Variants in HGF observed in about 807,000 individuals in gnomAD.
HGF encodes fibroblast-derived tumor cytotoxic factor.
Under a neutral mutation model 111.6 loss-of-function variants are expected in HGF, and 39 were observed. The observed-to-expected ratio is 0.35, with a 90% CI of 0.27 to 0.46. The LOEUF (loss-of-function observed/expected upper bound fraction) is 0.46, where lower values mean the gene tolerates loss of function less well. Ranked by LOEUF, HGF falls within the 20% of genes least tolerant of loss-of-function variation. HGF has a pLI of 1.00. For synonymous variants in HGF, 285 were observed against 294.8 expected (o/e 0.97, Z 0.34); for missense variants, 735 against 910.5 (o/e 0.81, Z 2.48).
chr7:81,758,434 AAAAAAT>A (rs1007591566), intron 3 of HGF, among the ~76,000 whole-genome samples: 3 of 151,990 alleles, frequency 2.0e-5, no homozygotes, highest in Non-Finnish European at 4.4e-5. Flanking sequence ...AGATGCTCCA[AAAAAAT>A]AAAAATAAAA....
At chr7:81,745,240 A>T (rs1288121241) in intron 5 of HGF, 120 bp from the exon 6 acceptor site, 15 of 1,020,780 alleles carry the variant, frequency 1.5e-5, no homozygotes, top group Non-Finnish European at 2.2e-5. Context: ...CCTACACATC[A>T]TTCTAACTTT....
chr7:81,754,430 C>CA (rs1379247742), intron 4 of HGF, among the ~76,000 whole-genome samples: 4 of 150,138 alleles, frequency 2.7e-5, no homozygotes, highest in Admixed American at 6.6e-5. Flanking sequence ...TTTGTAAAGC[C>CA]AAAAAAAAGC....
intron 1 of HGF, among the ~76,000 whole-genome samples, chr7:81,769,632 G>C (rs1789531718): frequency 1.3e-5 from 2 of 152,182 alleles, no homozygotes; most frequent in Admixed American, 6.5e-5. Context: ...ATTAGGCTAA[G>C]TGGGACGGGG....
intron 13 of HGF, among the ~76,000 whole-genome samples, chr7:81,707,608 G>T (rs774048656): frequency 6.6e-6 from 1 of 152,018 alleles, no homozygotes; most frequent in Non-Finnish European, 1.5e-5. Context: ...CTTTTGTGTA[G>T]TCTAAAGTTA....
chr7:81,747,262 C>G (rs1312840224), intron 5 of HGF, among the ~76,000 whole-genome samples: 1 of 152,220 alleles, frequency 6.6e-6, no homozygotes, highest in African/African-American at 2.4e-5. Context: ...TGGCGTGAAC[C>G]CGGGAGATGG....
chr7:81,722,976 A>G (rs1158238885), intron 9 of HGF, among the ~76,000 whole-genome samples: 3 of 151,956 alleles, frequency 2.0e-5, no homozygotes, highest in African/African-American at 7.3e-5. Flanking sequence ...TAATTTTTAT[A>G]TGAATGAAAA....
chr7:81,705,555 A>T lies in HGF; in HGVS notation c.1865-20T>A, dbSNP rs2115762988. 1.2e-6 allele frequency: 2 copies of T among 1,611,034 alleles called. No individual in the cohort carries two copies. The highest frequency in any genetic ancestry group is 1.3e-5 in the African/African-American group (1 of 74,914). ...TGATCACTAGATTGATGCAAAAAAC[A>T]TACAATAAGGTGAGAAAAGTAAGAA... is the stretch of plus-strand genomic sequence containing the variant. On this transcript the variant is annotated intron_variant, in intron 16 of 17. Coordinates refer to ENST00000222390, the MANE Select transcript of HGF (RefSeq NM_000601.6).
rs754071169 is a variant in HGF, at chr7:81,720,822, A to G, written c.1194T>C (p.Asn398=). 6.2e-7 allele frequency: 1 copy of G among 1,609,578 alleles called. No homozygotes were observed. Among genetic ancestry groups the G allele is most frequent in the East Asian group, 2.2e-5 (1 of 44,814 alleles). The change falls in exon 10 of 18, where the codon AAT becomes AAC. Residue 398 remains asparagine, a synonymous_variant. Coordinates refer to ENST00000222390, the MANE Select transcript of HGF (RefSeq NM_000601.6). Reference sequence around the variant, plus strand: ...TTGTTTGGGATAAGTTGCCCATATAATTTTTGCCATTCCCACGATAACAAT... The same window carrying G: ...TTGTTTGGGATAAGTTGCCCATATAGTTTTTGCCATTCCCACGATAACAAT... ...GQDCYRGNGK[N]YMGNLSQTRS...
At chr7:81,736,894 G>GGTGTGTGT (rs368271908) in intron 7 of HGF, among the ~76,000 whole-genome samples, 22,050 of 141,760 alleles carry the variant, frequency 0.16, 1,727 homozygotes, top group Non-Finnish European at 0.18. Context: ...TGTGTAGAGG[G>GGTGTGTGT]GTGTGTGTGT....
chr7:81,763,499 A>G (rs1333568614), intron 1 of HGF, among the ~76,000 whole-genome samples: 1 of 152,172 alleles, frequency 6.6e-6, no homozygotes, highest in Non-Finnish European at 1.5e-5. Context: ...CTGTAAATCA[A>G]ATGTATGTAA....
At chr7:81,715,273 C>T (rs534528073) in intron 11 of HGF, among the ~76,000 whole-genome samples, 1 of 152,114 alleles carries the variant, frequency 6.6e-6, no homozygotes, top group East Asian at 1.9e-4. Flanking sequence ...TTCTATGAGC[C>T]TCCATTAGTC....
chr7:81,758,841 C>T (rs933888998), intron 2 of HGF, 37 bp from the exon 3 acceptor site: 1 of 1,286,890 alleles, frequency 7.8e-7, no homozygotes, highest in Non-Finnish European at 1.1e-6. Context: ...AGAAATACTA[C>T]TATTTATACA....
chr7:81,729,013 A>G (rs998182619), intron 8 of HGF, among the ~76,000 whole-genome samples: 1 of 64,526 alleles, frequency 1.5e-5, no homozygotes, highest in Non-Finnish European at 3.5e-5. Context: ...CAAAACAACT[A>G]TGTAATTGAT....
chr7:81,732,232 C>T (rs1470835393), intron 7 of HGF, among the ~76,000 whole-genome samples: 2 of 151,984 alleles, frequency 1.3e-5, no homozygotes, highest in Admixed American at 6.6e-5. Flanking sequence ...CACCACTCCT[C>T]GGACACAAGT....
chr7:81,706,714 C>T (rs1190722406), intron 14 of HGF, among the ~76,000 whole-genome samples: 4 of 151,962 alleles, frequency 2.6e-5, no homozygotes, highest in South Asian at 2.1e-4. Context: ...AAGCACTTTA[C>T]ATGAATTATA....
At chr7:81,720,371 A>G (rs1789821508) in intron 10 of HGF, among the ~76,000 whole-genome samples, 1 of 152,202 alleles carries the variant, frequency 6.6e-6, no homozygotes, top group Non-Finnish European at 1.5e-5. Context: ...AATATTTCAA[A>G]CACCAGATTT....
At chr7:81,714,346 T>C (rs2367738) in intron 11 of HGF, among the ~76,000 whole-genome samples, 2,065 of 152,248 alleles carry the variant, frequency 0.014, 51 homozygotes, top group African/African-American at 0.047. Flanking sequence ...TTAACAATAA[T>C]GAATGAACAA....
chr7:81,754,505 G>C (rs1465331380), intron 4 of HGF, among the ~76,000 whole-genome samples: 1 of 151,904 alleles, frequency 6.6e-6, no homozygotes. Flanking sequence ...GAAAGGAAGA[G>C]AGAATAATGT....
intron 13 of HGF, among the ~76,000 whole-genome samples, chr7:81,708,738 C>T (rs865916914): frequency 4.0e-5 from 6 of 151,600 alleles, no homozygotes; most frequent in Admixed American, 1.3e-4. Flanking sequence ...CCACCACACC[C>T]AGCCTCTTGA....
Sources: gnomAD v4.1 joint callset for allele counts (sites outside exome capture counted in the v4.1 genomes callset) on GRCh38, gnomAD v4.1.1 for gene constraint, MANE v1.5 for transcripts, NCBI Gene and HGNC (gene_info 2026-07-23, HGNC 2026-07-21) for gene names.